Variants in UBE2Q2 observed in about 807,000 individuals in gnomAD.
UBE2Q2 encodes ubiquitin-conjugating enzyme E2 Q2.
UBE2Q2 carries 54 observed loss-of-function variants against 59.9 expected under a neutral mutation model. The observed-to-expected ratio is 0.90, with a 90% CI of 0.72 to 1.13. UBE2Q2 has a LOEUF of 1.13. Among genes scored for constraint, UBE2Q2 ranks in the 50% most tolerant of loss-of-function variants. The pLI, the probability that UBE2Q2 is intolerant of heterozygous loss-of-function variation, is 0.00. For synonymous variants in UBE2Q2, 165 were observed against 155.2 expected (o/e 1.06, Z -0.47); for missense variants, 433 against 441.9 (o/e 0.98, Z 0.18).
At chr15:75,879,391 C>T (rs1313895188) in intron 8 of UBE2Q2, among the ~76,000 whole-genome samples, 1 of 152,098 alleles carries the variant, frequency 6.6e-6, no homozygotes, top group Admixed American at 6.5e-5. Context: ...TTTATAATAG[C>T]ACCAAATAGA....
intron 2 of UBE2Q2, among the ~76,000 whole-genome samples, chr15:75,858,943 A>G (rs1897069363): frequency 6.6e-6 from 1 of 151,974 alleles, no homozygotes; most frequent in Non-Finnish European, 1.5e-5. Context: ...ACCCATTCTA[A>G]TCCTATGTCT....
At chr15:75,882,832 A>G (rs904118444) in intron 8 of UBE2Q2, among the ~76,000 whole-genome samples, 2 of 152,072 alleles carry the variant, frequency 1.3e-5, no homozygotes, top group Non-Finnish European at 2.9e-5. Context: ...TCCCAACCTA[A>G]GGAGCCGGAG....
intron 2 of UBE2Q2, 116 bp downstream of exon 2, chr15:75,854,603 A>G (rs770544338): frequency 8.8e-5 from 54 of 614,358 alleles, no homozygotes; most frequent in Non-Finnish European, 1.3e-4. Flanking sequence ...TCTTGTAGGA[A>G]TTAAAGACTA....
intron 6 of UBE2Q2, among the ~76,000 whole-genome samples, chr15:75,877,217 C>T (rs921324508): frequency 4.1e-5 from 6 of 146,824 alleles, no homozygotes; most frequent in Non-Finnish European, 6.0e-5. Flanking sequence ...GCATTATGAC[C>T]GATTCAGGAA....
At chr15:75,888,324 T>A (rs988266699) in intron 9 of UBE2Q2, among the ~76,000 whole-genome samples, 5 of 152,232 alleles carry the variant, frequency 3.3e-5, no homozygotes, top group African/African-American at 1.2e-4. Flanking sequence ...ATCTTGGACA[T>A]TTCATATAAA....
chr15:75,879,025 C>G (rs1898241074), intron 7 of UBE2Q2, 73 bp from the exon 8 acceptor site: 1 of 1,121,184 alleles, frequency 8.9e-7, no homozygotes, highest in African/African-American at 1.6e-5. Context: ...CATACTAGTT[C>G]ATTTTTGAGT....
At chr15:75,844,579 G>T in intron 1 of UBE2Q2, 1 of 1,374,532 alleles carries the variant, frequency 7.3e-7, no homozygotes, top group South Asian at 1.4e-5. Flanking sequence ...GCTGCTCCCC[G>T]GAAAGATCAC....
chr15:75,844,590 G>C (rs1248423933), intron 1 of UBE2Q2: 2 of 1,286,366 alleles, frequency 1.6e-6, no homozygotes, highest in Admixed American at 5.1e-5. Flanking sequence ...GAAAGATCAC[G>C]TATGTCACAA....
intron 11 of UBE2Q2, 55 bp downstream of exon 11, chr15:75,891,069 T>C (rs74024015): frequency 0.024 from 32,831 of 1,367,874 alleles, 627 homozygotes; most frequent in African/African-American, 0.084. Flanking sequence ...TATTACTTTA[T>C]AAGCTTTCTT....
chr15:75,873,319 TTG>T (rs1392176284), intron 4 of UBE2Q2, 107 bp from the exon 5 acceptor site: 13 of 1,094,010 alleles, frequency 1.2e-5, no homozygotes, highest in Non-Finnish European at 1.7e-5. Flanking sequence ...TAGTTACATT[TTG>T]TTTCTTGTTC....
chr15:75,849,571 T>A (rs1386157850), intron 1 of UBE2Q2, among the ~76,000 whole-genome samples: 2 of 152,200 alleles, frequency 1.3e-5, no homozygotes, highest in Non-Finnish European at 2.9e-5. Flanking sequence ...GTAAAGAGGT[T>A]GGTTTGGTTA....
At chr15:75,871,318 G>A (rs1272390597) in intron 4 of UBE2Q2, among the ~76,000 whole-genome samples, 3 of 152,208 alleles carry the variant, frequency 2.0e-5, no homozygotes, top group South Asian at 4.2e-4. Context: ...CCCAGGGACG[G>A]GCAGGAGGCA....
At chr15:75,892,174 G>C (rs537945541) in intron 11 of UBE2Q2, among the ~76,000 whole-genome samples, 12 of 152,238 alleles carry the variant, frequency 7.9e-5, no homozygotes, top group Non-Finnish European at 1.5e-4. Flanking sequence ...GATTGTGCAA[G>C]ATGGTAAAGT....
At chr15:75,866,218 GC>G (rs1897470423) in intron 3 of UBE2Q2, among the ~76,000 whole-genome samples, 2 of 151,820 alleles carry the variant, frequency 1.3e-5, no homozygotes, top group African/African-American at 4.8e-5. Flanking sequence ...TCTTGCCCAG[GC>G]TAGAGTGCAG....
intron 6 of UBE2Q2, among the ~76,000 whole-genome samples, chr15:75,877,134 C>T (rs113319208): frequency 2.3e-4 from 25 of 110,534 alleles, no homozygotes; most frequent in African/African-American, 7.9e-4. Flanking sequence ...GCACTCCAGC[C>T]TGGGCAGCAA....
chr15:75,885,512 A>C (rs1898709518), intron 9 of UBE2Q2, among the ~76,000 whole-genome samples: 1 of 152,162 alleles, frequency 6.6e-6, no homozygotes, highest in Non-Finnish European at 1.5e-5. Context: ...TTGGAGGCTT[A>C]ATGCTGTTTT....
intron 7 of UBE2Q2, 100 bp from the exon 8 acceptor site, chr15:75,878,998 T>C (rs1898240219): frequency 1.3e-6 from 1 of 745,652 alleles, no homozygotes; most frequent in African/African-American, 1.8e-5. Flanking sequence ...TTGCCCTAGG[T>C]GCTCTATTTT....
At chr15:75,894,810 G>C (rs1899304810) in intron 11 of UBE2Q2, among the ~76,000 whole-genome samples, 1 of 152,106 alleles carries the variant, frequency 6.6e-6, no homozygotes, top group Admixed American at 6.5e-5. Flanking sequence ...AGTAGGGTTG[G>C]AAAGTGACTG....
At position 75,853,441 on chromosome 15, in the gene UBE2Q2, C is replaced by T. The variant is rs530831772; in HGVS notation, c.181-945C>T. Among the ~76,000 whole-genome samples the T allele has an allele frequency of 2.0e-5, 3 of 151,148 alleles. No homozygotes were observed. The East Asian group carries it at 5.8e-4, about 29-fold the overall frequency. ...AGCCGAGATTGTGCCATGCACTCCG[C>T]CTGGGCCACAGAGCAAGACTCTGTC... On this transcript the variant is annotated intron_variant, in intron 1 of 12. Transcript: ENST00000267938.
Sources: allele counts gnomAD v4.1 joint callset (sites outside exome capture counted in the v4.1 genomes callset), GRCh38; gene constraint gnomAD v4.1.1; transcripts MANE v1.5; gene names NCBI Gene and HGNC (gene_info 2026-07-23, HGNC 2026-07-21).